Variants in LOC128462377 observed in about 807,000 individuals in gnomAD.
the LOC128462377 span, among the ~76,000 whole-genome samples, chr16:89,343,243 T>A: frequency 6.6e-6 from 1 of 152,142 alleles, no homozygotes; most frequent in Non-Finnish European, 1.5e-5. Flanking sequence ...TCCACCCAGC[T>A]CGGCCTCCCG....
the LOC128462377 span, among the ~76,000 whole-genome samples, chr16:89,364,186 C>A: frequency 6.6e-6 from 1 of 152,220 alleles, no homozygotes; most frequent in Admixed American, 6.5e-5. Flanking sequence ...CCCACGAGGA[C>A]CCTGCCACTT....
At chr16:89,336,428 C>G in the LOC128462377 span, among the ~76,000 whole-genome samples, 1 of 152,204 alleles carries the variant, frequency 6.6e-6, no homozygotes, top group African/African-American at 2.4e-5. Flanking sequence ...TTGCTGTGGG[C>G]TTCTGTGGTG....
At chr16:89,337,429 CTTTTTTTTTTT>C in the LOC128462377 span, among the ~76,000 whole-genome samples, 19 of 53,134 alleles carry the variant, frequency 3.6e-4, 1 homozygote, top group Admixed American at 1.7e-3. Context: ...CTAAGCAATT[CTTTTTTTTTTT>C]TTTTTTTTTT....
chr16:89,403,236 A>G, the LOC128462377 span, among the ~76,000 whole-genome samples: 1 of 152,180 alleles, frequency 6.6e-6, no homozygotes, highest in Non-Finnish European at 1.5e-5. Flanking sequence ...ACGGGCACTG[A>G]CAGGAAGTAT....
the LOC128462377 span, among the ~76,000 whole-genome samples, chr16:89,334,144 TAAAAAAAAAA>T: frequency 4.3e-4 from 18 of 41,416 alleles, no homozygotes; most frequent in African/African-American, 1.2e-3. Flanking sequence ...CCCTGTGTTT[TAAAAAAAAAA>T]AAAAAAAAAA....
chr16:89,323,635 C>T, the LOC128462377 span: 1 of 324,434 alleles, frequency 3.1e-6, no homozygotes, highest in South Asian at 2.4e-5. Context: ...GGACAGAGGC[C>T]CTCACAGGAA....
the LOC128462377 span, among the ~76,000 whole-genome samples, chr16:89,335,477 A>G: frequency 6.6e-6 from 1 of 152,180 alleles, no homozygotes; most frequent in Non-Finnish European, 1.5e-5. Context: ...CGCAGTACGC[A>G]GTGGGTTAGG....
chr16:89,367,089 T>C, the LOC128462377 span, among the ~76,000 whole-genome samples: 1 of 152,240 alleles, frequency 6.6e-6, no homozygotes, highest in East Asian at 1.9e-4. Flanking sequence ...GACTCCAAGA[T>C]GCCACCCCGA....
the LOC128462377 span, among the ~76,000 whole-genome samples, chr16:89,325,818 C>G: frequency 6.6e-6 from 1 of 152,212 alleles, no homozygotes; most frequent in African/African-American, 2.4e-5. Flanking sequence ...TGACCTTTTG[C>G]TGCAGGACCT....
chr16:89,360,032 C>G, the LOC128462377 span, among the ~76,000 whole-genome samples: 3 of 152,090 alleles, frequency 2.0e-5, no homozygotes, highest in African/African-American at 7.2e-5. Context: ...CAACAGTTAT[C>G]TTTTCTGCTC....
the LOC128462377 span, chr16:89,360,554 T>A: frequency 6.6e-6 from 1 of 152,210 alleles, no homozygotes; most frequent in Admixed American, 6.5e-5. Context: ...GTGGTTCCAA[T>A]ATTTACTTTC....
chr16:89,368,228 C>T, the LOC128462377 span, among the ~76,000 whole-genome samples: 1 of 151,666 alleles, frequency 6.6e-6, no homozygotes, highest in Non-Finnish European at 1.5e-5. Flanking sequence ...CAGATTCTTG[C>T]TCTGTTGCCC....
chr16:89,333,173 T>A, the LOC128462377 span, among the ~76,000 whole-genome samples: 1 of 152,208 alleles, frequency 6.6e-6, no homozygotes, highest in African/African-American at 2.4e-5. Context: ...AACTTTTGGG[T>A]CATGCCTAAG....
chr16:89,409,653 AAC>A, the LOC128462377 span, among the ~76,000 whole-genome samples: 3 of 151,822 alleles, frequency 2.0e-5, no homozygotes, highest in Non-Finnish European at 2.9e-5. Context: ...GTTGTACCAA[AAC>A]ACACACACAC....
the LOC128462377 span, chr16:89,373,027 A>G: frequency 6.6e-6 from 1 of 152,246 alleles, no homozygotes; most frequent in African/African-American, 2.4e-5. Flanking sequence ...CACTGCAAGG[A>G]AAGAATCTTC....
chr16:89,390,852 G>A, the LOC128462377 span, among the ~76,000 whole-genome samples: 1 of 152,182 alleles, frequency 6.6e-6, no homozygotes, highest in African/African-American at 2.4e-5. Context: ...GCATCTGACT[G>A]TGCATATCCT....
chr16:89,355,293 G>A, the LOC128462377 span, among the ~76,000 whole-genome samples: 4 of 152,110 alleles, frequency 2.6e-5, no homozygotes, highest in Admixed American at 6.5e-5. Flanking sequence ...CCTGAGGCTC[G>A]GAAGGCGGGC....
At chr16:89,337,240 G>T in the LOC128462377 span, among the ~76,000 whole-genome samples, 27 of 151,634 alleles carry the variant, frequency 1.8e-4, no homozygotes, top group Non-Finnish European at 2.9e-5. Context: ...CAGATTAATG[G>T]AGGAAGCCCC....
At chr16:89,403,103 C>T in the LOC128462377 span, among the ~76,000 whole-genome samples, 1 of 152,206 alleles carries the variant, frequency 6.6e-6, no homozygotes, top group African/African-American at 2.4e-5. Flanking sequence ...CACGTGGACA[C>T]ATCATCAACC....
Sources: gnomAD v4.1 joint callset for allele counts (sites outside exome capture counted in the v4.1 genomes callset) on GRCh38, gnomAD v4.1.1 for gene constraint, MANE v1.5 for transcripts.